PLPP3: variants seen among roughly 807,000 people sequenced by gnomAD.
PLPP3 encodes the protein phospholipid phosphatase 3, also known as PAP2 beta.
In PLPP3, 6 loss-of-function variants were observed where a neutral mutation model predicts 29.6. The observed-to-expected ratio is 0.20, with a 90% CI of 0.11 to 0.40. The LOEUF is 0.40. Among genes scored for constraint, PLPP3 ranks in the 10% least tolerant of loss-of-function variants. PLPP3 has a pLI of 1.00. For missense variants in PLPP3, 308 were observed against 407.7 expected, an observed-to-expected ratio of 0.76 and a Z score of 2.11; for synonymous variants, 152 against 159.7, an observed-to-expected ratio of 0.95 and a Z score of 0.36.
intron 1 of PLPP3, among the ~76,000 whole-genome samples, chr1:56,563,550 C>G (rs578202585): frequency 2.8e-4 from 43 of 152,312 alleles, no homozygotes; most frequent in African/African-American, 9.9e-4. Context: ...CTCTACAGAA[C>G]TGGAACTGAG....
chr1:56,561,163 G>T (rs900426379), intron 1 of PLPP3, among the ~76,000 whole-genome samples: 10 of 151,870 alleles, frequency 6.6e-5, no homozygotes, highest in African/African-American at 2.4e-4. Context: ...CCTCTTTAAG[G>T]CAAGAGAGGA....
intron 1 of PLPP3, among the ~76,000 whole-genome samples, chr1:56,570,623 G>C (rs1569612826): frequency 6.6e-6 from 1 of 152,180 alleles, no homozygotes; most frequent in East Asian, 1.9e-4. Context: ...ACCTGACCTA[G>C]CCTTCTTTTG....
intron 1 of PLPP3, among the ~76,000 whole-genome samples, chr1:56,543,079 T>C (rs547356538): frequency 1.3e-5 from 2 of 151,794 alleles, no homozygotes; most frequent in African/African-American, 2.4e-5. Flanking sequence ...TACAGAGTTA[T>C]GAGTAGGTAC....
intron 1 of PLPP3, among the ~76,000 whole-genome samples, chr1:56,568,332 A>G (rs748500617): frequency 8.7e-4 from 132 of 152,338 alleles, no homozygotes; most frequent in Admixed American, 3.9e-3. Context: ...GAATATCTCA[A>G]TAAAGCTCTT....
At chr1:56,578,734 G>GC (rs1646254860) in intron 1 of PLPP3, 144 bp downstream of exon 1, 1 of 913,030 alleles carries the variant, frequency 1.1e-6, no homozygotes, top group African/African-American at 1.8e-5. Context: ...CCTGGGCGGC[G>GC]CAAAGGCTCC....
rs974898389 is a variant in PLPP3 at position 56,524,504 on chromosome 1, C to T, written c.348G>A (p.Ser116=). 8.1e-6 allele frequency: 13 copies of T among 1,612,888 alleles called. No individual in the cohort carries two copies. The highest frequency in any genetic ancestry group is 1.7e-5 in the Admixed American group (1 of 59,976). The part of the protein sequence containing the change: ...YRIYYLKKSR[S]TIQNPYVAAL... ...CTGCCACGTAGGGGTTCTGAATCGTCGACCGCGACTTCTTCAGGTAATAGA... is the reference window on the plus strand; with the variant it reads ...CTGCCACGTAGGGGTTCTGAATCGTTGACCGCGACTTCTTCAGGTAATAGA... Residue 116 remains serine, a synonymous_variant, in exon 3 of 6, where the codon TCG becomes TCA. Transcript: ENST00000371250. The surrounding 1 kb of genome is among the most constrained non-coding windows in gnomAD (Gnocchi z 4.3).
chr1:56,534,887 T>C (rs752919299), intron 2 of PLPP3, among the ~76,000 whole-genome samples: 4 of 152,090 alleles, frequency 2.6e-5, no homozygotes, highest in African/African-American at 4.8e-5. Context: ...GAAATTCCTA[T>C]TGCAAAGAGG....
intron 1 of PLPP3, among the ~76,000 whole-genome samples, chr1:56,573,004 G>A (rs1008536515): frequency 6.6e-6 from 1 of 152,096 alleles, no homozygotes; most frequent in African/African-American, 2.4e-5. Flanking sequence ...ACACAGATTT[G>A]GGGAAATCCA....
At chr1:56,504,952 C>A (rs562199251) in intron 5 of PLPP3, among the ~76,000 whole-genome samples, 1 of 152,154 alleles carries the variant, frequency 6.6e-6, no homozygotes, top group South Asian at 2.1e-4. Context: ...TGGTTACCAC[C>A]AGCATTTTTG....
At chr1:56,557,699 T>G (rs564546989) in intron 1 of PLPP3, among the ~76,000 whole-genome samples, 1 of 152,204 alleles carries the variant, frequency 6.6e-6, no homozygotes. Flanking sequence ...CAAAGACATA[T>G]AACATTGTCA....
At chr1:56,536,900 G>C in intron 2 of PLPP3, 55 bp downstream of exon 2, 1 of 1,594,146 alleles carries the variant, frequency 6.3e-7, no homozygotes, top group Non-Finnish European at 8.6e-7. Context: ...TCTATAATAT[G>C]ACAATACAGG....
chr1:56,515,866 C>T (rs1047440546), intron 4 of PLPP3, among the ~76,000 whole-genome samples: 1 of 152,172 alleles, frequency 6.6e-6, no homozygotes, highest in African/African-American at 2.4e-5. Context: ...AAGCCTCAGT[C>T]TCCTTCTCTG....
intron 1 of PLPP3, among the ~76,000 whole-genome samples, chr1:56,569,227 T>A (rs979373030): frequency 6.6e-6 from 1 of 152,056 alleles, no homozygotes; most frequent in Non-Finnish European, 1.5e-5. Flanking sequence ...CGGGCTGGAG[T>A]GCAATGGCTC....
chr1:56,504,535 A>G (rs1310211557), intron 5 of PLPP3, among the ~76,000 whole-genome samples: 1 of 152,108 alleles, frequency 6.6e-6, no homozygotes, highest in Non-Finnish European at 1.5e-5. Context: ...AAACCATCCA[A>G]TTTTGAAGCT....
At chr1:56,554,176 C>A (rs945219500) in intron 1 of PLPP3, among the ~76,000 whole-genome samples, 3 of 151,848 alleles carry the variant, frequency 2.0e-5, no homozygotes, top group Non-Finnish European at 4.4e-5. Context: ...CTTAGATCTA[C>A]CTTTTTTTTT....
At chr1:56,502,985 G>C (rs1483879735) in intron 5 of PLPP3, among the ~76,000 whole-genome samples, 2 of 152,100 alleles carry the variant, frequency 1.3e-5, no homozygotes, top group Admixed American at 1.3e-4. Flanking sequence ...ATTAAGGAAG[G>C]AATAACCCTC....
intron 1 of PLPP3, among the ~76,000 whole-genome samples, chr1:56,570,778 T>C (rs950376926): frequency 6.6e-6 from 1 of 152,102 alleles, no homozygotes; most frequent in Admixed American, 6.5e-5. Flanking sequence ...AGCAAAAACT[T>C]TGAAAACATG....
intron 4 of PLPP3, chr1:56,512,373 T>A: frequency 6.5e-6 from 3 of 461,492 alleles, no homozygotes; most frequent in South Asian, 5.8e-5. Flanking sequence ...GCACTTCGTG[T>A]GGCTGAGGTG....
chr1:56,505,359 T>C (rs1645695187), intron 5 of PLPP3, among the ~76,000 whole-genome samples: 2 of 152,220 alleles, frequency 1.3e-5, no homozygotes, highest in Non-Finnish European at 2.9e-5. Context: ...GTGGCAGGAA[T>C]ATAACTTCCT....
Sources: allele counts gnomAD v4.1 joint callset (sites outside exome capture counted in the v4.1 genomes callset), GRCh38; gene constraint gnomAD v4.1.1; non-coding constraint Gnocchi (gnomAD v3.1); transcripts MANE v1.5; gene names NCBI Gene and HGNC (gene_info 2026-07-23, HGNC 2026-07-21).